ROS1: variants seen among roughly 807,000 people sequenced by gnomAD.
ROS1 encodes ROS proto-oncogene 1, receptor tyrosine kinase.
In ROS1, 263 loss-of-function variants were observed where a neutral mutation model predicts 273.5. The observed-to-expected ratio is 0.96, with a 90% CI of 0.87 to 1.06. The LOEUF is 1.06. Ranked by LOEUF, ROS1 falls within the 50% of genes least tolerant of loss-of-function variation. ROS1 has a pLI of 0.00. For synonymous variants in ROS1, 1,008 were observed against 954.1 expected, an observed-to-expected ratio of 1.06 and a Z score of -1.04; for missense variants, 2,833 against 2,751.1, an observed-to-expected ratio of 1.03 and a Z score of -0.67.
At chr6:117,359,084 C>A (rs1216389654) in intron 24 of ROS1, among the ~76,000 whole-genome samples, 1 of 152,150 alleles carries the variant, frequency 6.6e-6, no homozygotes, top group East Asian at 1.9e-4. Flanking sequence ...CCTTTCACTC[C>A]ACTCTCATCC....
intron 27 of ROS1, among the ~76,000 whole-genome samples, chr6:117,344,503 G>A (rs1395736598): frequency 6.6e-6 from 1 of 152,168 alleles, no homozygotes; most frequent in Non-Finnish European, 1.5e-5. Context: ...TCTACCCAAT[G>A]TCCTCTCCTT....
intron 4 of ROS1, among the ~76,000 whole-genome samples, chr6:117,411,972 T>C (rs1280892730): frequency 6.6e-6 from 1 of 152,110 alleles, no homozygotes; most frequent in Non-Finnish European, 1.5e-5. Context: ...GGAGACTTTA[T>C]TAGGGTGATC....
chr6:117,360,527 CA>C, intron 22 of ROS1, 122 bp from the exon 23 acceptor site: 1 of 617,282 alleles, frequency 1.6e-6, no homozygotes, highest in Non-Finnish European at 2.8e-6. Context: ...TTAATAGTTT[CA>C]AATAGTTATT....
chr6:117,411,150 C>T (rs1201940202), intron 4 of ROS1, among the ~76,000 whole-genome samples: 1 of 151,854 alleles, frequency 6.6e-6, no homozygotes, highest in Non-Finnish European at 1.5e-5. Context: ...AATAAAATTC[C>T]CATCCTTCTG....
intron 18 of ROS1, among the ~76,000 whole-genome samples, chr6:117,371,963 A>G (rs1011882433): frequency 1.3e-5 from 2 of 152,116 alleles, no homozygotes; most frequent in African/African-American, 2.4e-5. Context: ...CCCTGCCCCA[A>G]CTGAGGGTCT....
At chr6:117,342,636 AG>A in intron 28 of ROS1, 92 bp from the exon 29 acceptor site, 1 of 840,326 alleles carries the variant, frequency 1.2e-6, no homozygotes, top group South Asian at 2.1e-5. Flanking sequence ...ACAAAGTTAA[AG>A]GCTCAAAAAA....
chr6:117,418,559 T>C, intron 1 of ROS1, 53 bp from the exon 2 acceptor site: 4 of 1,325,984 alleles, frequency 3.0e-6, no homozygotes, highest in Middle Eastern at 3.7e-4. Flanking sequence ...GGGTTCCGTG[T>C]AACTAACACA....
intron 39 of ROS1, among the ~76,000 whole-genome samples, chr6:117,316,277 G>A (rs968015293): frequency 5.9e-5 from 8 of 134,864 alleles, no homozygotes; most frequent in Admixed American, 2.4e-4. Context: ...GGAACTTGGC[G>A]GTAAATACCA....
chr6:117,400,589 G>A (rs778403081), intron 7 of ROS1, among the ~76,000 whole-genome samples: 1 of 152,156 alleles, frequency 6.6e-6, no homozygotes, highest in African/African-American at 2.4e-5. Flanking sequence ...GAAGCTTTTT[G>A]TTGCTTTCCA....
At chr6:117,311,621 G>T (rs1251338866) in intron 39 of ROS1, among the ~76,000 whole-genome samples, 1 of 152,062 alleles carries the variant, frequency 6.6e-6, no homozygotes, top group Non-Finnish European at 1.5e-5. Flanking sequence ...TTTAATTATT[G>T]ACCCAATGGC....
At chr6:117,386,390 T>A (rs914624479) in intron 15 of ROS1, among the ~76,000 whole-genome samples, 3 of 152,262 alleles carry the variant, frequency 2.0e-5, no homozygotes, top group Non-Finnish European at 4.4e-5. Context: ...TCAGGCAAGA[T>A]CACTGTTATA....
intron 35 of ROS1, among the ~76,000 whole-genome samples, chr6:117,321,827 C>CT (rs1424219536): frequency 8.0e-6 from 1 of 125,006 alleles, no homozygotes; most frequent in Non-Finnish European, 1.6e-5. Flanking sequence ...AGTATAATGG[C>CT]AATTTTTTTT....
chr6:117,336,353 T>C (rs1777462831), intron 32 of ROS1, among the ~76,000 whole-genome samples: 1 of 151,494 alleles, frequency 6.6e-6, no homozygotes, highest in African/African-American at 2.4e-5. Flanking sequence ...CCCCAGTGTG[T>C]GTTGTTCCCC....
chr6:117,328,750 G>A (rs892325624), intron 33 of ROS1: 7 of 613,608 alleles, frequency 1.1e-5, no homozygotes, highest in Non-Finnish European at 1.9e-5. Flanking sequence ...CGTGCTCCCC[G>A]TACTGGCCAG....
rs1486897923 is a variant in ROS1 at position 117,362,686 on chromosome 6, C to T, written c.3283G>A (p.Asp1095Asn). 1 of 1,613,442 alleles carries T rather than the reference C, an allele frequency of 6.2e-7. No homozygotes were observed. Among genetic ancestry groups the T allele is most frequent in the Non-Finnish European group, 8.5e-7 (1 of 1,179,492 alleles). The change falls in exon 22 of 44, where the codon GAC (aspartate) becomes AAC (asparagine). Residue 1095 changes from aspartate (D) to asparagine (N), a missense_variant. Physicochemically the swap from Asp to Asn is conservative, Grantham distance 23. Transcript: ENST00000368507. ...GGAGTGACATTGACAGCAATCCAGT[C>T]TTCACATGTTTTGTTTGTAATACTT... ...NQSITNKTCE[D>N]WIAVNVTPSV...
At chr6:117,354,740 T>C (rs138956245) in intron 26 of ROS1, among the ~76,000 whole-genome samples, 14 of 152,356 alleles carry the variant, frequency 9.2e-5, no homozygotes, top group East Asian at 7.7e-4. Flanking sequence ...AATGGTCTAC[T>C]AGGTAATTCT....
At chr6:117,364,506 T>C (rs1313391638) in intron 21 of ROS1, among the ~76,000 whole-genome samples, 1 of 152,164 alleles carries the variant, frequency 6.6e-6, no homozygotes, top group African/African-American at 2.4e-5. Context: ...CTCAGAGCTC[T>C]GTGAGGATCA....
chr6:117,348,951 G>A (rs1050430371), intron 27 of ROS1, among the ~76,000 whole-genome samples: 20 of 151,972 alleles, frequency 1.3e-4, no homozygotes, highest in African/African-American at 4.6e-4. Flanking sequence ...GACAGATATT[G>A]TATGATTTCT....
intron 34 of ROS1, among the ~76,000 whole-genome samples, chr6:117,325,782 C>A (rs1048301054): frequency 6.6e-6 from 1 of 151,790 alleles, no homozygotes; most frequent in Non-Finnish European, 1.5e-5. Flanking sequence ...ATTAGAAAGA[C>A]AATATATCAT....
Sources: allele counts gnomAD v4.1 joint callset (sites outside exome capture counted in the v4.1 genomes callset), GRCh38; gene constraint gnomAD v4.1.1; transcripts MANE v1.5; gene names NCBI Gene and HGNC (gene_info 2026-07-23, HGNC 2026-07-21).